Variants in WDR70 observed in about 807,000 individuals in gnomAD.
WDR70 encodes the protein WD repeat domain 70, also known as WD repeat-containing protein 70.
Under a neutral mutation model 88.6 loss-of-function variants are expected in WDR70, and 53 were observed. The ratio of observed to expected loss-of-function variants is 0.60; its 90% CI spans 0.48 to 0.75. The LOEUF (loss-of-function observed/expected upper bound fraction) is 0.75. Ranked by LOEUF, WDR70 falls within the 30% of genes least tolerant of loss-of-function variation. The pLI is 0.00. For missense variants in WDR70, 610 were observed against 823.2 expected (o/e 0.74, Z 3.17); for synonymous variants, 280 against 270.0 (o/e 1.04, Z -0.36).
intron 8 of WDR70, among the ~76,000 whole-genome samples, chr5:37,503,093 G>A (rs1411091646): frequency 6.6e-6 from 1 of 152,096 alleles, no homozygotes; most frequent in Non-Finnish European, 1.5e-5. Context: ...GATTACGTTT[G>A]TTAGTGTTTT....
chr5:37,678,413 T>G (rs377489844), intron 10 of WDR70, among the ~76,000 whole-genome samples: 4 of 152,312 alleles, frequency 2.6e-5, no homozygotes, highest in South Asian at 4.2e-4. Context: ...AGGAGCTCTT[T>G]TAGGGCAGGC....
At chr5:37,529,560 GTATT>G (rs1396631501) in intron 9 of WDR70, among the ~76,000 whole-genome samples, 13 of 151,862 alleles carry the variant, frequency 8.6e-5, no homozygotes, top group East Asian at 3.8e-4. Flanking sequence ...AAATTCCTAA[GTATT>G]TATTTATTTT....
intron 9 of WDR70, among the ~76,000 whole-genome samples, chr5:37,519,659 G>A (rs1257765407): frequency 6.7e-6 from 1 of 150,076 alleles, no homozygotes; most frequent in Non-Finnish European, 1.5e-5. Flanking sequence ...CGGCCGGGCG[G>A]AGGCGCTCCT....
At chr5:37,675,646 A>G (rs897792252) in intron 10 of WDR70, among the ~76,000 whole-genome samples, 18 of 152,240 alleles carry the variant, frequency 1.2e-4, no homozygotes, top group Middle Eastern at 3.4e-3. Context: ...GCCTTGTACT[A>G]TAGTTTGAAG....
At chr5:37,649,733 C>CTTCTTTTTTTTTT (rs1384336784) in intron 10 of WDR70, among the ~76,000 whole-genome samples, 20 of 68,740 alleles carry the variant, frequency 2.9e-4, no homozygotes, top group African/African-American at 1.2e-3. Context: ...GTTATTACTT[C>CTTCTTTTTTTTTT]TTTTTTTTTT....
rs182672812 is a variant in WDR70, at chr5:37,539,348, G to A, written c.917+22758G>A. Among the ~76,000 whole-genome samples the A allele has an allele frequency of 2.1e-4, 32 of 152,238 alleles. No homozygotes were observed. In the East Asian group the frequency reaches 5.8e-3, roughly 28 times the overall value. On this transcript the variant is annotated intron_variant, in intron 9 of 17. Coordinates refer to ENST00000265107, the MANE Select transcript of WDR70 (RefSeq NM_018034.4). The stretch of plus-strand genomic sequence containing the variant: ...CTTTAAAGAGTATGAGGCTATGAAT[G>A]TGGGCCCTAATCCAATATGACTGGT...
At chr5:37,489,804 T>A (rs969807778) in intron 8 of WDR70, among the ~76,000 whole-genome samples, 1 of 151,216 alleles carries the variant, frequency 6.6e-6, no homozygotes, top group Non-Finnish European at 1.5e-5. Flanking sequence ...TTTTTTTTTT[T>A]ATTATTATAC....
At chr5:37,510,352 T>C (rs1206815698) in intron 8 of WDR70, among the ~76,000 whole-genome samples, 2 of 152,188 alleles carry the variant, frequency 1.3e-5, no homozygotes, top group African/African-American at 4.8e-5. Flanking sequence ...ATAAATTACA[T>C]ATATGTGTGT....
chr5:37,383,360 A>G (rs1748493294), intron 3 of WDR70, among the ~76,000 whole-genome samples: 1 of 147,806 alleles, frequency 6.8e-6, no homozygotes, highest in Non-Finnish European at 1.5e-5. Context: ...CTTGGGTTCA[A>G]GTGATTCTCT....
chr5:37,739,963 G>T (rs1748426701), intron 17 of WDR70, among the ~76,000 whole-genome samples: 2 of 152,196 alleles, frequency 1.3e-5, no homozygotes, highest in African/African-American at 2.4e-5. Flanking sequence ...TAGAGGGTTT[G>T]TTGGTTGTTA....
intron 8 of WDR70, among the ~76,000 whole-genome samples, chr5:37,496,236 A>T (rs1207683388): frequency 1.3e-5 from 2 of 152,228 alleles, no homozygotes; most frequent in African/African-American, 2.4e-5. Context: ...TGGCCACCCC[A>T]GCCAGCTGCC....
At chr5:37,633,095 A>G (rs1744864183) in intron 10 of WDR70, among the ~76,000 whole-genome samples, 1 of 152,276 alleles carries the variant, frequency 6.6e-6, no homozygotes, top group African/African-American at 2.4e-5. Context: ...AAGTCTTACC[A>G]TCTATGTTTG....
rs1748842986 is a variant in WDR70 at position 37,752,486 on chromosome 5, G to A, written c.1878G>A (p.Lys626=). ...TTCTCTTCTTTAACTTTTCTTTTAGGACTCAGCCCAAAACCATGTTTGCCC... is the reference window on the plus strand; with the variant it reads ...TTCTCTTCTTTAACTTTTCTTTTAGAACTCAGCCCAAAACCATGTTTGCCC... The part of the protein sequence containing the change: ...SPYWVSPAYS[K]TQPKTMFAQV... The change falls in exon 18 of 18, where the codon AAG becomes AAA. Residue 626 remains lysine, a splice_region_variant and synonymous_variant. Transcript: ENST00000265107. 6.2e-7 allele frequency: 1 copy of A among 1,606,074 alleles called. No individual in the cohort carries two copies.
At chr5:37,464,478 G>C (rs1203610614) in intron 7 of WDR70, among the ~76,000 whole-genome samples, 1 of 152,176 alleles carries the variant, frequency 6.6e-6, no homozygotes, top group African/African-American at 2.4e-5. Flanking sequence ...AGAATTGCTA[G>C]CTATAATAGG....
intron 9 of WDR70, among the ~76,000 whole-genome samples, chr5:37,557,778 A>G (rs1446923682): frequency 6.6e-6 from 1 of 151,750 alleles, no homozygotes; most frequent in East Asian, 2.0e-4. Context: ...AAATCAACAT[A>G]TATTTCATGG....
At chr5:37,524,577 C>A (rs1019996421) in intron 9 of WDR70, among the ~76,000 whole-genome samples, 1 of 152,086 alleles carries the variant, frequency 6.6e-6, no homozygotes, top group African/African-American at 2.4e-5. Flanking sequence ...CATCAACTAA[C>A]GAGCAAAATA....
chr5:37,495,462 C>CTCTA lies in WDR70; in HGVS notation c.840+15478_840+15479insATCT, dbSNP rs535013553. ...CAGCAATCTCTCTCTCTCTCTCTCTCTCTTTCTCTCTCTCTGTGTGTGTGC... is the reference window on the plus strand; with the variant it reads ...CAGCAATCTCTCTCTCTCTCTCTCTCTCTATCTTTCTCTCTCTCTGTGTGTGTGC... On this transcript the variant is annotated intron_variant, in intron 8 of 17. Coordinates refer to ENST00000265107, the MANE Select transcript of WDR70 (RefSeq NM_018034.4). Among the ~76,000 whole-genome samples the CTCTA allele has an allele frequency of 2.5e-3, 383 of 151,730 alleles. 2 individuals are homozygous for CTCTA. Among genetic ancestry groups the CTCTA allele is most frequent in the African/African-American group, 7.5e-3 (312 of 41,378 alleles).
chr5:37,741,196 G>A (rs978665350), intron 17 of WDR70, among the ~76,000 whole-genome samples: 17 of 150,226 alleles, frequency 1.1e-4, no homozygotes, highest in African/African-American at 4.2e-4. Flanking sequence ...CCCAGGAAGG[G>A]GATTTGTTCT....
intron 7 of WDR70, among the ~76,000 whole-genome samples, chr5:37,467,026 A>G (rs1031842966): frequency 6.6e-6 from 1 of 152,084 alleles, no homozygotes; most frequent in African/African-American, 2.4e-5. Context: ...ACTTGAGCTC[A>G]GGAGTTTGAA....
Sources: allele counts gnomAD v4.1 joint callset (sites outside exome capture counted in the v4.1 genomes callset), GRCh38; gene constraint gnomAD v4.1.1; transcripts MANE v1.5; gene names NCBI Gene and HGNC (gene_info 2026-07-23, HGNC 2026-07-21).